PLD2: variants seen among roughly 807,000 people sequenced by gnomAD.
PLD2 encodes the protein phospholipase D2, also known as choline phosphatase 2.
PLD2 carries 101 observed loss-of-function variants against 119.8 expected under a neutral mutation model. That is an observed-to-expected ratio of 0.84 (90% CI 0.72 to 0.99). The LOEUF is 0.99. Ranked by LOEUF, PLD2 falls within the 50% of genes least tolerant of loss-of-function variation. The pLI is 0.00. For synonymous variants in PLD2, 494 were observed against 482.8 expected, an observed-to-expected ratio of 1.02 and a Z score of -0.30; for missense variants, 1,164 against 1,226.8, an observed-to-expected ratio of 0.95 and a Z score of 0.76.
In PLD2 at chr17:4,816,922, C is replaced by T. The variant is rs201850745; in HGVS notation, c.1583-15C>T. 37 of 1,606,718 alleles carry T rather than the reference C, an allele frequency of 2.3e-5. No individual in the cohort carries two copies. The African/African-American group carries it at 4.8e-4, about 21-fold the overall frequency. Reference sequence around the variant, plus strand: ...CAGCCCTGACATCTCCCCTGACTCTCCTGGGACCCCCCAGATTTCATTGAC... The same window carrying T: ...CAGCCCTGACATCTCCCCTGACTCTTCTGGGACCCCCCAGATTTCATTGAC... On this transcript the variant is annotated splice_polypyrimidine_tract_variant and intron_variant, in intron 15 of 24. Transcript: ENST00000263088.
intron 12 of PLD2, 26 bp downstream of exon 12, chr17:4,814,737 G>C: frequency 6.2e-7 from 1 of 1,605,200 alleles, no homozygotes; most frequent in Non-Finnish European, 8.5e-7. Context: ...AGGCCGCAGG[G>C]GGAGGGGGTT....
At position 4,819,659 on chromosome 17, in the gene PLD2, C is replaced by A; in HGVS notation, c.2462+77C>A. ...CTTTTGAGCAGGACAAGAGGTAGCA[C>A]CGCATAGGTACTCCCGGAGCCAGAG... On this transcript the variant is annotated intron_variant, in intron 23 of 24. Transcript: ENST00000263088. This position sits in a 1 kb window ranked among gnomAD's most constrained non-coding sequence, Gnocchi z 4.2. 1 of 1,372,510 alleles carries A rather than the reference C, an allele frequency of 7.3e-7. No homozygotes were observed. Among genetic ancestry groups the A allele is most frequent in the Non-Finnish European group, 1.0e-6 (1 of 1,001,326 alleles). 85.0% of individuals were successfully genotyped at this position (1,372,510 alleles called of 1,614,324 possible). A position where few individuals can be genotyped will look rare whatever the true frequency, so the allele number is the denominator to read the frequency against.
In PLD2 at chr17:4,816,725, C is replaced by T. The variant is rs370458918; in HGVS notation, c.1561C>T (p.Gln521Ter). 4 of 1,614,092 alleles carry T rather than the reference C, an allele frequency of 2.5e-6. No individual in the cohort carries two copies. Among genetic ancestry groups the T allele is most frequent in the Non-Finnish European group, 3.4e-6 (4 of 1,180,044 alleles). The change falls in exon 15 of 25, where the codon CAG becomes TAG. Residue 521 changes from glutamine to a stop codon, truncating the protein, a stop_gained. Coordinates refer to ENST00000263088, the MANE Select transcript of PLD2 (RefSeq NM_002663.5). LOFTEE classifies it high-confidence loss of function. ...CAATCTTATCACCAAGGACTGGGTG[C>T]AGCTGGACCGGCCTTTCGAAGGTGA... ...YSNLITKDWV[Q>*]LDRPFEDFID...
At chr17:4,813,963 T>C (rs1906716184) in intron 10 of PLD2, among the ~76,000 whole-genome samples, 1 of 152,218 alleles carries the variant, frequency 6.6e-6, no homozygotes. Context: ...TGAATATTGA[T>C]ATTGAATGTT....
rs763724130 is a variant in PLD2 at position 4,819,588 on chromosome 17, G to C, written c.2462+6G>C. ...CTGCGGAAGCACTGCTTCGGGTAGA[G>C]CTGGGGCGGGATGCCACAGGGTGGG... is the stretch of plus-strand genomic sequence containing the variant. On this transcript the variant is annotated splice_donor_region_variant and intron_variant, in intron 23 of 24. Coordinates refer to ENST00000263088, the MANE Select transcript of PLD2 (RefSeq NM_002663.5). The surrounding 1 kb of genome is among the most constrained non-coding windows in gnomAD (Gnocchi z 4.2). 1.9e-6 allele frequency: 3 copies of C among 1,601,934 alleles called. No homozygotes were observed. The highest frequency in any genetic ancestry group is 3.4e-5 in the Admixed American group (2 of 59,314).
At position 4,807,527 on chromosome 17, in the gene PLD2, C is replaced by G. The variant is rs556522661; in HGVS notation, c.-1-245C>G. The G allele has an allele frequency of 8.3e-4, 286 of 344,130 alleles. 6 individuals are homozygous for G. The South Asian group carries it at 0.012, about 14-fold the overall frequency. 21.3% of individuals were successfully genotyped at this position (344,130 alleles called of 1,614,324 possible). On this transcript the variant is annotated intron_variant, in intron 1 of 24. Coordinates refer to ENST00000263088, the MANE Select transcript of PLD2 (RefSeq NM_002663.5). This position sits in a 1 kb window ranked among gnomAD's most constrained non-coding sequence, Gnocchi z 5.4. ...GCCTGGCTGGGTGTTCCCCGGGGCT[C>G]TGGTTACGGGACGGGGCGGGGGGCG...
At position 4,809,337 on chromosome 17, in the gene PLD2, T is replaced by G; in HGVS notation, c.529T>G (p.Ser177Ala). 6.2e-7 allele frequency: 1 copy of G among 1,614,160 alleles called. No homozygotes were observed. Among genetic ancestry groups the G allele is most frequent in the Non-Finnish European group, 8.5e-7 (1 of 1,179,978 alleles). ...TTACCTCAACCGTCTCTTGACCATG[T>G]CTTTCTATCGCAACTACCATGCCAT... ...ENYLNRLLTM[S>A]FYRNYHAMTE... is the part of the protein sequence containing the mutation. Residue 177 changes from serine (S) to alanine (A), a missense_variant, in exon 6 of 25, where the codon TCT (serine) becomes GCT (alanine). By Grantham distance (99) the Ser-to-Ala change is moderately conservative. Coordinates refer to ENST00000263088, the MANE Select transcript of PLD2 (RefSeq NM_002663.5).
chr17:4,815,631 C>T, intron 13 of PLD2, 45 bp downstream of exon 13: 2 of 1,575,962 alleles, frequency 1.3e-6, no homozygotes, highest in Non-Finnish European at 1.7e-6. Flanking sequence ...AGCCCTTCTC[C>T]CCACACTGTC....
At position 4,819,126 on chromosome 17, in the gene PLD2, G is replaced by C. The variant is rs373174584; in HGVS notation, c.2216G>C (p.Arg739Pro). 6.2e-7 allele frequency: 1 copy of C among 1,614,058 alleles called. No homozygotes were observed. The highest frequency in any genetic ancestry group is 1.7e-5 in the Admixed American group (1 of 60,004). ...GACTATATTTCCATCTGCGGGCTTC[G>C]TACACACGGAGAGCTGGGCGGGCAC... ...WRDYISICGL[R>P]THGELGGHPV... The change falls in exon 22 of 25, where the codon CGT becomes CCT. Residue 739 changes from arginine to proline, a missense_variant. Transcript: ENST00000263088. This position sits in a 1 kb window ranked among gnomAD's most constrained non-coding sequence, Gnocchi z 4.2.
Position 4,821,661 on chromosome 17 carries a change from C to T in PLD2, c.2463-132C>T, listed in dbSNP as rs1907679341. The T allele has an allele frequency of 6.4e-6, 4 of 624,052 alleles. No homozygotes were observed. In the Admixed American group the frequency reaches 7.3e-5, roughly 11 times the overall value. 38.7% of individuals were successfully genotyped at this position (624,052 alleles called of 1,614,324 possible). On this transcript the variant is annotated intron_variant, in intron 23 of 24. Coordinates refer to ENST00000263088, the MANE Select transcript of PLD2 (RefSeq NM_002663.5). The stretch of plus-strand genomic sequence containing the variant: ...CCACCTGCCTCATCCTCCCAAAGTG[C>T]TGGGAATACAGGCGTGAGCCACCGC...
intron 9 of PLD2, 112 bp from the exon 10 acceptor site, chr17:4,810,690 C>G: frequency 2.0e-6 from 2 of 1,010,670 alleles, no homozygotes; most frequent in Non-Finnish European, 2.9e-6. Flanking sequence ...CGCCCTATCC[C>G]TGTGCAGTTG....
At position 4,808,300 on chromosome 17, in the gene PLD2, C is replaced by G; in HGVS notation, c.267C>G (p.Val89=). The change falls in exon 4 of 25, where the codon GTC becomes GTG. Residue 89 remains valine (V), a synonymous_variant. Transcript: ENST00000263088. The surrounding 1 kb of genome is among the most constrained non-coding windows in gnomAD (Gnocchi z 4.1). ...SKVGTCTLYS[V]RLTHGDFSWT... ...TGGGAACCTGCACTCTGTATTCTGT[C>G]CGCTTGACTCACGGCGACTTTTCCT... The G allele has an allele frequency of 1.2e-6, 2 of 1,614,098 alleles. No homozygotes were observed. Among genetic ancestry groups the G allele is most frequent in the Non-Finnish European group, 8.5e-7 (1 of 1,179,960 alleles).
At chr17:4,816,224 A>G (rs563332212) in intron 14 of PLD2, among the ~76,000 whole-genome samples, 124 of 152,190 alleles carry the variant, frequency 8.1e-4, no homozygotes, top group African/African-American at 2.9e-3. Context: ...TCTACTAAAA[A>G]TGCAAAAAAT....
intron 12 of PLD2, among the ~76,000 whole-genome samples, chr17:4,815,001 A>G (rs1906831351): frequency 6.6e-6 from 1 of 152,090 alleles, no homozygotes; most frequent in African/African-American, 2.4e-5. Context: ...TCACTGGACT[A>G]GTTAATATCA....
intron 17 of PLD2, 185 bp from the exon 18 acceptor site, chr17:4,817,817 G>T (rs1027253807): frequency 1.6e-5 from 8 of 498,950 alleles, no homozygotes; most frequent in African/African-American, 1.4e-4. Flanking sequence ...AATTAGCCGG[G>T]AGTGGTGGTG....
In PLD2 at chr17:4,819,047, A is replaced by G; in HGVS notation, c.2174-37A>G. 1 of 1,611,492 alleles carries G rather than the reference A, an allele frequency of 6.2e-7. No homozygotes were observed. Among genetic ancestry groups the G allele is most frequent in the Non-Finnish European group, 8.5e-7 (1 of 1,178,400 alleles). ...GTGGGACAGGGCCCTGTGCACACAG[A>G]GCCACCTCTCACCTCACTTCCCCTC... On this transcript the variant is annotated intron_variant, in intron 21 of 24. Coordinates refer to ENST00000263088, the MANE Select transcript of PLD2 (RefSeq NM_002663.5). This position sits in a 1 kb window ranked among gnomAD's most constrained non-coding sequence, Gnocchi z 4.2.
chr17:4,821,059 T>G (rs912034617), intron 23 of PLD2, among the ~76,000 whole-genome samples: 3 of 150,082 alleles, frequency 2.0e-5, no homozygotes, highest in Non-Finnish European at 3.0e-5. Flanking sequence ...CCCGCCACCA[T>G]GCCCAGCTAA....
At chr17:4,820,892 T>G (rs1347447376) in intron 23 of PLD2, among the ~76,000 whole-genome samples, 2 of 132,878 alleles carry the variant, frequency 1.5e-5, no homozygotes, top group Non-Finnish European at 3.3e-5. Flanking sequence ...AAAAAACTTT[T>G]GTGTTTTGTT....
Position 4,808,442 on chromosome 17 carries a change from T to TAG in PLD2, c.383+29_383+30dup, listed in dbSNP as rs774602341. On this transcript the variant is annotated intron_variant, in intron 4 of 24. Transcript: ENST00000263088. This position sits in a 1 kb window ranked among gnomAD's most constrained non-coding sequence, Gnocchi z 4.1. ...GTGAGGGCGACCGGACTGCTTCCTG[T>TAG]AGAGGGCAGGTGCTCCCCACCCTCC... 228 of 1,608,266 alleles carry TAG rather than the reference T, an allele frequency of 1.4e-4. No homozygotes were observed. Among genetic ancestry groups the TAG allele is most frequent in the Non-Finnish European group, 1.9e-4 (219 of 1,176,642 alleles).
Sources: allele counts gnomAD v4.1 joint callset (sites outside exome capture counted in the v4.1 genomes callset), GRCh38; gene constraint gnomAD v4.1.1; non-coding constraint Gnocchi (gnomAD v3.1); transcripts MANE v1.5; gene names NCBI Gene and HGNC (gene_info 2026-07-23, HGNC 2026-07-21).